Variants in ZNF91 observed in about 807,000 individuals in gnomAD.
ZNF91 encodes zinc finger protein 91 (HPF7, HTF10).
A neutral mutation model predicts 12.6 loss-of-function variants in ZNF91; 7 were observed. That is an observed-to-expected ratio of 0.55 (90% CI 0.31 to 1.04). The LOEUF (loss-of-function observed/expected upper bound fraction) is 1.04. ZNF91 is among the 50% of genes least tolerant of loss of function. The pLI is 0.05. For missense variants in ZNF91, 1,217 were observed against 1,385.4 expected, an observed-to-expected ratio of 0.88 and a Z score of 1.93; for synonymous variants, 453 against 462.6, an observed-to-expected ratio of 0.98 and a Z score of 0.27.
intron 3 of ZNF91, among the ~76,000 whole-genome samples, chr19:23,368,520 C>T (rs1219254320): frequency 1.0e-5 from 1 of 99,306 alleles, no homozygotes; most frequent in African/African-American, 5.7e-5. Flanking sequence ...ATCTCTCTCT[C>T]TCTCTCTCTC....
chr19:23,347,915 G>A (rs1214962090), intron 3 of ZNF91, among the ~76,000 whole-genome samples: 5 of 152,168 alleles, frequency 3.3e-5, no homozygotes, highest in African/African-American at 4.8e-5. Context: ...CTCTGGGTGA[G>A]CAGAAGCATT....
At chr19:23,311,487 G>T (rs772739675), upstream of ZNF91, among the ~76,000 whole-genome samples, 1 of 152,110 alleles carries the variant, frequency 6.6e-6, no homozygotes, top group Non-Finnish European at 1.5e-5. Context: ...CATATTACTG[G>T]ACACAGATTC....
chr19:23,330,537 T>C (rs1287442706), intron 1 of ZNF91, among the ~76,000 whole-genome samples: 1 of 152,154 alleles, frequency 6.6e-6, no homozygotes, highest in Admixed American at 6.6e-5. Context: ...TTTGGGCCCC[T>C]GGTAGCACTG....
intron 1 of ZNF91, among the ~76,000 whole-genome samples, chr19:23,316,020 G>A (rs1027279626): frequency 6.6e-6 from 1 of 152,062 alleles, no homozygotes; most frequent in Admixed American, 6.5e-5. Context: ...TAGGTGATGC[G>A]ACTCTTCTGC....
At chr19:23,356,673 C>T (rs1374478367), downstream of ZNF91, among the ~76,000 whole-genome samples, 1 of 152,174 alleles carries the variant, frequency 6.6e-6, no homozygotes, top group African/African-American at 2.4e-5. Context: ...TCTCACAAAT[C>T]ACCACTAAAG....
rs762775014 is a variant in ZNF91, at chr19:23,360,154, T to G, written c.2825A>C (p.Glu942Ala). The stretch of plus-strand genomic sequence containing the variant: ...GGATTGGCTAAAAGCTTTGCCACAT[T>G]CTTCACATTTGTAGGGTTTCTCTCC... ...HTGEKPYKCEECGKAFSQSST... is the reference protein window; with the variant it reads ...HTGEKPYKCEACGKAFSQSST... The change falls in exon 4 of 4, where the codon GAA (glutamate) becomes GCA (alanine). Residue 942 changes from glutamate (E) to alanine (A), a missense_variant. Physicochemically the swap from Glu to Ala is moderately radical, Grantham distance 107. Coordinates refer to ENST00000300619, the MANE Select transcript of ZNF91 (RefSeq NM_003430.4). The G allele has an allele frequency of 1.6e-5, 26 of 1,613,800 alleles. No homozygotes were observed. Among genetic ancestry groups the G allele is most frequent in the Admixed American group, 3.3e-5 (2 of 60,000 alleles).
At position 23,362,302 on chromosome 19, in the gene ZNF91, G is replaced by T. The variant is rs763969288; in HGVS notation, c.677C>A (p.Thr226Asn). 17 of 1,613,968 alleles carry T rather than the reference G, an allele frequency of 1.1e-5. No individual in the cohort carries two copies. Among genetic ancestry groups the T allele is most frequent in the Non-Finnish European group, 1.4e-5 (17 of 1,179,954 alleles). The change falls in exon 4 of 4, where the codon ACT becomes AAT. Residue 226 changes from threonine (T) to asparagine (N), a missense_variant. Thr to Asn is a moderately conservative substitution (Grantham distance 65). Coordinates refer to ENST00000300619, the MANE Select transcript of ZNF91 (RefSeq NM_003430.4). ...EKTFHWSSTLTNHKEIHTEDK... is the reference protein window; with the variant it reads ...EKTFHWSSTLNNHKEIHTEDK... ...TTCAGTATGAATTTCCTTATGATTA[G>T]TAAGGGTTGAGGACCAATGAAAGGT...
At chr19:23,323,939 T>C (rs1003066858) in intron 1 of ZNF91, 24 of 147,958 alleles carry the variant, frequency 1.6e-4, no homozygotes, top group African/African-American at 6.0e-4. Flanking sequence ...CCTTCTCTTC[T>C]CCTTTCCTCC....
chr19:23,312,967 G>A (rs183064722), upstream of ZNF91, among the ~76,000 whole-genome samples: 1 of 152,316 alleles, frequency 6.6e-6, no homozygotes, highest in African/African-American at 2.4e-5. Context: ...TCCACAGGTA[G>A]GCAGGTGATT....
chr19:23,306,158 A>C (rs1429023387), intron 3 of ZNF91, among the ~76,000 whole-genome samples: 1 of 152,236 alleles, frequency 6.6e-6, no homozygotes, highest in Non-Finnish European at 1.5e-5. Flanking sequence ...AGTAATGCAA[A>C]TAGAAACTAG....
At chr19:23,323,304 CTCATCT>C (rs1383710944) in intron 1 of ZNF91, among the ~76,000 whole-genome samples, 1 of 144,842 alleles carries the variant, frequency 6.9e-6, no homozygotes, top group Non-Finnish European at 1.5e-5. Context: ...CCTTCTCTTC[CTCATCT>C]TCCTTTTCTC....
At chr19:23,372,012 G>A (rs893504612) in intron 3 of ZNF91, among the ~76,000 whole-genome samples, 13 of 148,668 alleles carry the variant, frequency 8.7e-5, no homozygotes, top group Non-Finnish European at 1.9e-4. Flanking sequence ...AAATATTTGA[G>A]GAATACATTA....
intron 1 of ZNF91, among the ~76,000 whole-genome samples, chr19:23,330,474 A>G (rs1460646976): frequency 6.6e-6 from 1 of 152,220 alleles, no homozygotes; most frequent in African/African-American, 2.4e-5. Flanking sequence ...CTGTGCTCCA[A>G]AGATGGTCCT....
At chr19:23,328,585 A>G (rs1397194001) in intron 1 of ZNF91, 1 of 152,168 alleles carries the variant, frequency 6.6e-6, no homozygotes, top group East Asian at 1.9e-4. Context: ...GTTGGGCCAA[A>G]AAGTAGTATG....
At chr19:23,354,776 G>A (rs1968446979), downstream of ZNF91, among the ~76,000 whole-genome samples, 1 of 152,104 alleles carries the variant, frequency 6.6e-6, no homozygotes, top group East Asian at 1.9e-4. Flanking sequence ...CAAAGTTTCA[G>A]GATACGAGAT....
At chr19:23,339,379 A>ATAT (rs1210622856) in intron 3 of ZNF91, 3 of 152,212 alleles carry the variant, frequency 2.0e-5, no homozygotes, top group African/African-American at 7.2e-5. Flanking sequence ...TTACAAAGAA[A>ATAT]TATTATTAAA....
At chr19:23,325,573 GAAAGT>G (rs1195007715) in intron 1 of ZNF91, 1 of 152,150 alleles carries the variant, frequency 6.6e-6, no homozygotes, top group African/African-American at 2.4e-5. Context: ...TTGTAAAAAT[GAAAGT>G]AATCTCCATT....
At chr19:23,343,385 T>A (rs976037673) in intron 3 of ZNF91, among the ~76,000 whole-genome samples, 4 of 152,188 alleles carry the variant, frequency 2.6e-5, no homozygotes, top group African/African-American at 9.7e-5. Flanking sequence ...TTGTAAAACA[T>A]CTAGTGATAG....
At chr19:23,344,268 A>G (rs1968176880) in intron 3 of ZNF91, among the ~76,000 whole-genome samples, 1 of 151,890 alleles carries the variant, frequency 6.6e-6, no homozygotes, top group Non-Finnish European at 1.5e-5. Flanking sequence ...CTAATTTTTT[A>G]TATTTTTATT....
Sources: gnomAD v4.1 joint callset for allele counts (sites outside exome capture counted in the v4.1 genomes callset) on GRCh38, gnomAD v4.1.1 for gene constraint, MANE v1.5 for transcripts, NCBI Gene and HGNC (gene_info 2026-07-23, HGNC 2026-07-21) for gene names.